Variants in WWC2 observed in about 807,000 individuals in gnomAD.
The protein encoded by WWC2 is protein WWC2.
In WWC2, 101 loss-of-function variants were observed where a neutral mutation model predicts 138.5. The ratio of observed to expected loss-of-function variants is 0.73; its 90% CI spans 0.62 to 0.86. The LOEUF (loss-of-function observed/expected upper bound fraction) is 0.86. WWC2 is among the 40% of genes least tolerant of loss of function. WWC2 has a pLI of 0.00. For synonymous variants in WWC2, 558 were observed against 538.4 expected, an observed-to-expected ratio of 1.04 and a Z score of -0.50; for missense variants, 1,420 against 1,419.4, an observed-to-expected ratio of 1.00 and a Z score of -0.01.
chr4:183,200,222 A>T (rs1460494819), intron 2 of WWC2, among the ~76,000 whole-genome samples: 1 of 19,758 alleles, frequency 5.1e-5, no homozygotes, highest in Non-Finnish European at 3.0e-4. Flanking sequence ...CCCTTTATTC[A>T]TTTAAGTGTC....
chr4:183,123,271 TATTAAAC>T (rs1292069689), intron 1 of WWC2, among the ~76,000 whole-genome samples: 1 of 152,212 alleles, frequency 6.6e-6, no homozygotes, highest in African/African-American at 2.4e-5. Context: ...TGGGAGATTG[TATTAAAC>T]AATTTTTATG....
At chr4:183,191,444 T>C (rs1466067664) in intron 1 of WWC2, among the ~76,000 whole-genome samples, 1 of 152,258 alleles carries the variant, frequency 6.6e-6, no homozygotes, top group Non-Finnish European at 1.5e-5. Context: ...AGTTCTCATC[T>C]AAACTTAATC....
intron 6 of WWC2, 142 bp downstream of exon 6, chr4:183,245,687 T>C: frequency 1.0e-6 from 1 of 961,738 alleles, no homozygotes. Context: ...CCTGTGGAGA[T>C]TGTTGCAGGC....
chr4:183,135,468 TA>T (rs1733080376), intron 1 of WWC2, among the ~76,000 whole-genome samples: 1 of 152,170 alleles, frequency 6.6e-6, no homozygotes, highest in African/African-American at 2.4e-5. Context: ...TATCTTCTTT[TA>T]GGACAAGTCG....
rs1023906122 is a variant in WWC2, at chr4:183,186,040, C to T, written c.132-7559C>T. On this transcript the variant is annotated intron_variant, in intron 1 of 22. Transcript: ENST00000403733. The stretch of plus-strand genomic sequence containing the variant: ...TCGGCTCACTGCAAGCTCCATCTCC[C>T]GGGTTCACGCCATTCTCCCACCTCA... Among the ~76,000 whole-genome samples, 7 of 151,478 alleles carry T rather than the reference C, an allele frequency of 4.6e-5. No individual in the cohort carries two copies. The South Asian group carries it at 6.3e-4, about 14-fold the overall frequency.
At chr4:183,127,460 G>T (rs1022407955) in intron 1 of WWC2, among the ~76,000 whole-genome samples, 1 of 152,142 alleles carries the variant, frequency 6.6e-6, no homozygotes, top group Non-Finnish European at 1.5e-5. Flanking sequence ...TATGGAGAAT[G>T]AAACAGTGGT....
intron 8 of WWC2, among the ~76,000 whole-genome samples, chr4:183,252,573 C>T (rs1737013323): frequency 6.6e-6 from 1 of 152,208 alleles, no homozygotes; most frequent in African/African-American, 2.4e-5. Context: ...CATTTTCCTC[C>T]TCCTTCTCCT....
At chr4:183,272,091 GT>G (rs1462286545) in intron 16 of WWC2, among the ~76,000 whole-genome samples, 2 of 152,144 alleles carry the variant, frequency 1.3e-5, no homozygotes, top group African/African-American at 2.4e-5. Context: ...TTGTGAGGCC[GT>G]TCATCATGAA....
intron 6 of WWC2, 129 bp from the exon 7 acceptor site, chr4:183,248,585 T>A: frequency 1.1e-6 from 1 of 907,428 alleles, no homozygotes; most frequent in Non-Finnish European, 1.6e-6. Flanking sequence ...TATAAAATGG[T>A]AAGTACCTAC....
At chr4:183,287,893 A>G (rs1190619860) in intron 20 of WWC2, among the ~76,000 whole-genome samples, 3 of 152,148 alleles carry the variant, frequency 2.0e-5, no homozygotes, top group Non-Finnish European at 4.4e-5. Flanking sequence ...TGATGGTAGG[A>G]GTATTTACCA....
At chr4:183,228,679 G>A (rs1038169877) in intron 4 of WWC2, among the ~76,000 whole-genome samples, 4 of 152,072 alleles carry the variant, frequency 2.6e-5, no homozygotes, top group Non-Finnish European at 5.9e-5. Context: ...ACAATATGAA[G>A]CGTCGTTAAG....
At chr4:183,258,856 A>G (rs1183177407) in intron 9 of WWC2, among the ~76,000 whole-genome samples, 2 of 152,218 alleles carry the variant, frequency 1.3e-5, no homozygotes, top group Admixed American at 6.5e-5. Flanking sequence ...AAAGACCTTC[A>G]CACGACATAG....
At chr4:183,241,590 G>C (rs1038564502) in intron 5 of WWC2, among the ~76,000 whole-genome samples, 1 of 152,196 alleles carries the variant, frequency 6.6e-6, no homozygotes, top group Non-Finnish European at 1.5e-5. Flanking sequence ...AATCTGGAGA[G>C]TGCTTAGAAA....
intron 2 of WWC2, among the ~76,000 whole-genome samples, chr4:183,200,129 C>T (rs910350517): frequency 3.9e-5 from 6 of 152,262 alleles, no homozygotes; most frequent in South Asian, 2.1e-4. Context: ...TTGTAATATG[C>T]GGTGTTTAAA....
At chr4:183,289,278 C>G (rs1738353776) in intron 20 of WWC2, 115 bp from the exon 21 acceptor site, 1 of 1,448,166 alleles carries the variant, frequency 6.9e-7, no homozygotes, top group East Asian at 2.5e-5. Context: ...CCCCTTAGGC[C>G]CTGGCTTCTA....
chr4:183,296,665 G>C (rs1738638061), intron 21 of WWC2, among the ~76,000 whole-genome samples: 1 of 152,036 alleles, frequency 6.6e-6, no homozygotes, highest in African/African-American at 2.4e-5. Flanking sequence ...CAGTCACGGT[G>C]GCTCACGCCT....
intron 1 of WWC2, among the ~76,000 whole-genome samples, chr4:183,117,798 T>C (rs1457312652): frequency 2.0e-5 from 3 of 150,780 alleles, no homozygotes; most frequent in Admixed American, 6.6e-5. Flanking sequence ...ATCTTTTTTT[T>C]TTTTTTTGAG....
At chr4:183,189,329 C>G (rs963332482) in intron 1 of WWC2, among the ~76,000 whole-genome samples, 7 of 151,430 alleles carry the variant, frequency 4.6e-5, no homozygotes, top group Non-Finnish European at 7.4e-5. Flanking sequence ...CCCAGCTACT[C>G]GAGAGGCTGA....
intron 1 of WWC2, among the ~76,000 whole-genome samples, chr4:183,153,206 T>C (rs1439912546): frequency 1.3e-5 from 2 of 152,212 alleles, no homozygotes; most frequent in Non-Finnish European, 2.9e-5. Context: ...CACATGGTCT[T>C]ATATGTTTTT....
Sources: allele counts gnomAD v4.1 joint callset (sites outside exome capture counted in the v4.1 genomes callset), GRCh38; gene constraint gnomAD v4.1.1; transcripts MANE v1.5; gene names NCBI Gene and HGNC (gene_info 2026-07-23, HGNC 2026-07-21).